Variants in CNOT4 observed in about 807,000 individuals in gnomAD.
CNOT4 encodes the protein CCR4-NOT transcription complex subunit 4, also known as CCR4-associated factor 4.
CNOT4 carries 8 observed loss-of-function variants against 73.8 expected under a neutral mutation model. That is an observed-to-expected ratio of 0.11 (90% CI 0.06 to 0.20). The LOEUF is 0.20. Among genes scored for constraint, CNOT4 ranks in the 10% least tolerant of loss-of-function variants. CNOT4 has a pLI of 1.00. For synonymous variants in CNOT4, 293 were observed against 321.1 expected, an observed-to-expected ratio of 0.91 and a Z score of 0.94; for missense variants, 564 against 883.4, an observed-to-expected ratio of 0.64 and a Z score of 4.58.
At chr7:135,388,931 C>A in intron 10 of CNOT4, 1 of 1,600,276 alleles carries the variant, frequency 6.2e-7, no homozygotes, top group South Asian at 1.1e-5. Context: ...TTATGGGTGA[C>A]TAGATTTGTT....
At chr7:135,497,174 G>C (rs141805264) in intron 1 of CNOT4, among the ~76,000 whole-genome samples, 1 of 151,824 alleles carries the variant, frequency 6.6e-6, no homozygotes, top group African/African-American at 2.4e-5. Context: ...TTGGGAAGCC[G>C]AGGCAGGCGG....
chr7:135,491,337 A>G (rs1296409474), intron 1 of CNOT4, among the ~76,000 whole-genome samples: 1 of 152,246 alleles, frequency 6.6e-6, no homozygotes, highest in Non-Finnish European at 1.5e-5. Flanking sequence ...GCCTTGGGAT[A>G]TTCCAATGTT....
intron 2 of CNOT4, among the ~76,000 whole-genome samples, chr7:135,430,064 T>C (rs1481073415): frequency 6.6e-6 from 1 of 152,208 alleles, no homozygotes; most frequent in African/African-American, 2.4e-5. Context: ...AGATACCTAG[T>C]AGAGTCCATG....
chr7:135,415,288 T>G, intron 3 of CNOT4, 26 bp from the exon 4 acceptor site: 1 of 1,209,640 alleles, frequency 8.3e-7, no homozygotes, highest in Non-Finnish European at 1.2e-6. Context: ...AAATAAGGTA[T>G]AAACTGTCCC....
At chr7:135,388,025 A>G in intron 10 of CNOT4, 1 of 985,364 alleles carries the variant, frequency 1.0e-6, no homozygotes, top group South Asian at 4.7e-5. Flanking sequence ...TTTCACATAC[A>G]ATGTTTACTC....
At chr7:135,464,735 T>C (rs1417137716) in intron 1 of CNOT4, among the ~76,000 whole-genome samples, 1 of 151,930 alleles carries the variant, frequency 6.6e-6, no homozygotes, top group Non-Finnish European at 1.5e-5. Context: ...TCTATAATAC[T>C]ATTAAATTTT....
chr7:135,503,361 G>A (rs935087646), intron 1 of CNOT4, among the ~76,000 whole-genome samples: 4 of 151,852 alleles, frequency 2.6e-5, no homozygotes, highest in Non-Finnish European at 2.9e-5. Context: ...AACCTGAGAG[G>A]CTGAGGTGGG....
At chr7:135,384,713 T>C (rs375826254) in intron 10 of CNOT4, 10 of 765,350 alleles carry the variant, frequency 1.3e-5, no homozygotes, top group African/African-American at 8.4e-5. Flanking sequence ...TTCCTCTCAA[T>C]TGGCTCTGTA....
chr7:135,407,167 G>A (rs964024341), intron 7 of CNOT4, among the ~76,000 whole-genome samples: 4 of 152,096 alleles, frequency 2.6e-5, no homozygotes, highest in East Asian at 3.8e-4. Flanking sequence ...CCTGCCTCCC[G>A]CTTTGCCCAG....
At chr7:135,476,185 T>C (rs1801982810) in intron 1 of CNOT4, among the ~76,000 whole-genome samples, 1 of 152,076 alleles carries the variant, frequency 6.6e-6, no homozygotes, top group South Asian at 2.1e-4. Context: ...GGGAGAAGAT[T>C]TTCCTAACCA....
chr7:135,464,346 G>A (rs1490296733), intron 1 of CNOT4, among the ~76,000 whole-genome samples: 1 of 152,152 alleles, frequency 6.6e-6, no homozygotes, highest in Non-Finnish European at 1.5e-5. Flanking sequence ...GGAATACTAT[G>A]TAGCCATAAA....
intron 10 of CNOT4, among the ~76,000 whole-genome samples, chr7:135,376,215 G>C (rs1795510208): frequency 6.6e-6 from 1 of 152,114 alleles, no homozygotes; most frequent in Non-Finnish European, 1.5e-5. Flanking sequence ...ATGCTTTGCA[G>C]GCCTCCGAAT....
intron 3 of CNOT4, among the ~76,000 whole-genome samples, chr7:135,416,751 A>G (rs1472329264): frequency 1.3e-5 from 2 of 152,106 alleles, no homozygotes; most frequent in Admixed American, 1.3e-4. Context: ...TGAGGGAAGC[A>G]CTCAAGGGGC....
At chr7:135,411,961 C>T (rs1797610381) in intron 6 of CNOT4, among the ~76,000 whole-genome samples, 1 of 151,862 alleles carries the variant, frequency 6.6e-6, no homozygotes, top group South Asian at 2.1e-4. Context: ...TTCTTTCCTA[C>T]ATCAAGAAAG....
At chr7:135,446,253 G>A (rs1307539148) in intron 1 of CNOT4, among the ~76,000 whole-genome samples, 2 of 152,092 alleles carry the variant, frequency 1.3e-5, no homozygotes, top group African/African-American at 4.8e-5. Flanking sequence ...GGTTACTAGG[G>A]GGCTGGGGGA....
At chr7:135,491,408 T>C (rs1213783879) in intron 1 of CNOT4, among the ~76,000 whole-genome samples, 1 of 152,150 alleles carries the variant, frequency 6.6e-6, no homozygotes, top group Non-Finnish European at 1.5e-5. Context: ...CCAATGAATT[T>C]TGAGGAAAAC....
At chr7:135,418,314 C>G (rs1797983677) in intron 3 of CNOT4, among the ~76,000 whole-genome samples, 1 of 152,194 alleles carries the variant, frequency 6.6e-6, no homozygotes, top group South Asian at 2.1e-4. Flanking sequence ...GGAGAGTAGA[C>G]AGAGCACCCT....
chr7:135,384,427 G>A (rs535386263), intron 10 of CNOT4: 51 of 397,548 alleles, frequency 1.3e-4, no homozygotes, highest in South Asian at 1.2e-3. Flanking sequence ...TGGGGCTACA[G>A]GTGCCCGCCA....
At position 135,485,388 on chromosome 7, in the gene CNOT4, TATAG is replaced by T. The variant is rs1802653358; in HGVS notation, c.-93+24497_-93+24500del. Among the ~76,000 whole-genome samples the T allele has an allele frequency of 2.6e-5, 4 of 152,140 alleles. No homozygotes were observed. The South Asian group carries it at 8.3e-4, about 32-fold the overall frequency. Reference sequence around the variant, plus strand: ...GCTGGCGGTTTTTTGTTTCTGTAGATATAGATAAACATATTCTAAAATTTATATG... The same window carrying T: ...GCTGGCGGTTTTTTGTTTCTGTAGATATAAACATATTCTAAAATTTATATG... On this transcript the variant is annotated intron_variant, in intron 1 of 11. Coordinates refer to ENST00000541284, the MANE Select transcript of CNOT4 (RefSeq NM_001190850.2).
Sources: gnomAD v4.1 joint callset for allele counts (sites outside exome capture counted in the v4.1 genomes callset) on GRCh38, gnomAD v4.1.1 for gene constraint, MANE v1.5 for transcripts, NCBI Gene and HGNC (gene_info 2026-07-23, HGNC 2026-07-21) for gene names.